The following GRIA3 variants were observed in gnomAD, a reference collection of about 807,000 sequenced individuals.
GRIA3 encodes the protein glutamate ionotropic receptor AMPA type subunit 3, also known as glutamate receptor 3.
Under a neutral mutation model 63.0 loss-of-function variants are expected in GRIA3, and 3 were observed. That is an observed-to-expected ratio of 0.05 (90% CI 0.02 to 0.12). GRIA3 has a LOEUF of 0.12. GRIA3 is among the 10% of genes least tolerant of loss of function. The pLI, the probability that GRIA3 is intolerant of heterozygous loss-of-function variation, is 1.00. For missense variants in GRIA3, 347 were observed against 700.9 expected, an observed-to-expected ratio of 0.50 and a Z score of 5.70; for synonymous variants, 274 against 257.9, an observed-to-expected ratio of 1.06 and a Z score of -0.60.
intron 12 of GRIA3, among the ~76,000 whole-genome samples, chrX:123,444,937 C>G (rs2045695224): frequency 9.0e-6 from 1 of 111,021 alleles, no homozygotes; most frequent in Non-Finnish European, 1.9e-5. Flanking sequence ...CTTTTGAATA[C>G]AGGCACCGGG....
chrX:123,203,740 A>G (rs1326262395), intron 2 of GRIA3, among the ~76,000 whole-genome samples: 1 of 112,212 alleles, frequency 8.9e-6, no homozygotes, highest in Non-Finnish European at 1.9e-5. Flanking sequence ...TCAGTGCGAT[A>G]GCAAGGTTGG....
chrX:123,261,143 G>A (rs1458014954), intron 3 of GRIA3, among the ~76,000 whole-genome samples: 1 of 111,248 alleles, frequency 9.0e-6, no homozygotes, highest in African/African-American at 3.3e-5. Context: ...GCTCGTTCCT[G>A]GGGTTGGACC....
chrX:123,204,360 A>C (rs780380519), intron 2 of GRIA3: 34 of 1,100,245 alleles, frequency 3.1e-5, no homozygotes, highest in Non-Finnish European at 3.8e-5. Flanking sequence ...TGGCTCATCC[A>C]TTCATAGTGC....
intron 3 of GRIA3, among the ~76,000 whole-genome samples, chrX:123,257,317 A>G (rs1375796599): frequency 9.0e-6 from 1 of 111,251 alleles, no homozygotes; most frequent in Non-Finnish European, 1.9e-5. Context: ...TTAGTGATTC[A>G]TCAACAATAA....
chrX:123,287,624 GACAA>G (rs1444270840), intron 3 of GRIA3, among the ~76,000 whole-genome samples: 4 of 111,432 alleles, frequency 3.6e-5, no homozygotes, highest in South Asian at 7.5e-4. Context: ...ACCAATAATA[GACAA>G]ACAGAGAGCC....
In GRIA3 at chrX:123,417,393, T is replaced by C; in HGVS notation, c.1501-9T>C. 8.4e-7 allele frequency: 1 copy of C among 1,197,049 alleles called. No homozygotes were observed. Among genetic ancestry groups the C allele is most frequent in the Non-Finnish European group, 1.1e-6 (1 of 882,977 alleles). ...TCATATATGTTTTCTTTTTTTTCTT[T>C]TTTTTCAGAGAGCTGATATAGCTGT... On this transcript the variant is annotated splice_polypyrimidine_tract_variant and intron_variant, in intron 10 of 15. Transcript: ENST00000620443.
chrX:123,457,817 G>C (rs1470794584), intron 12 of GRIA3, among the ~76,000 whole-genome samples: 2 of 111,468 alleles, frequency 1.8e-5, no homozygotes, highest in African/African-American at 6.5e-5. Flanking sequence ...GAGGAATTGT[G>C]CTCATGTCAA....
intron 5 of GRIA3, among the ~76,000 whole-genome samples, chrX:123,388,810 ATTGT>A (rs1414770030): frequency 9.0e-6 from 1 of 111,511 alleles, no homozygotes; most frequent in Non-Finnish European, 1.9e-5. Flanking sequence ...GCATCATTAG[ATTGT>A]TTATTTGACA....
At chrX:123,218,236 G>A (rs1198726370) in intron 2 of GRIA3, among the ~76,000 whole-genome samples, 1 of 111,397 alleles carries the variant, frequency 9.0e-6, no homozygotes, top group Non-Finnish European at 1.9e-5. Flanking sequence ...TGGCAGTTGA[G>A]GCTTTTTCTG....
chrX:123,220,599 A>C (rs765816510), intron 2 of GRIA3, among the ~76,000 whole-genome samples: 102 of 111,663 alleles, frequency 9.1e-4, no homozygotes, highest in Non-Finnish European at 1.7e-3. Context: ...ACCTTGCACT[A>C]ATATAAATGG....
At chrX:123,439,843 G>A (rs1452965464) in intron 12 of GRIA3, among the ~76,000 whole-genome samples, 1 of 110,190 alleles carries the variant, frequency 9.1e-6, no homozygotes, top group Non-Finnish European at 1.9e-5. Flanking sequence ...TTGTTATATA[G>A]GTAAATTTGT....
intron 3 of GRIA3, among the ~76,000 whole-genome samples, chrX:123,303,096 G>A (rs2044733539): frequency 9.0e-6 from 1 of 111,127 alleles, no homozygotes; most frequent in African/African-American, 3.3e-5. Context: ...TAATGTTAAT[G>A]CATTTAGATT....
intron 2 of GRIA3, among the ~76,000 whole-genome samples, chrX:123,186,407 A>G (rs1335184858): frequency 1.8e-5 from 2 of 111,905 alleles, no homozygotes; most frequent in African/African-American, 6.5e-5. Context: ...GAGTCAATTC[A>G]GGATGTACAT....
At chrX:123,433,058 G>C (rs1603152138) in intron 12 of GRIA3, among the ~76,000 whole-genome samples, 1 of 111,759 alleles carries the variant, frequency 8.9e-6, no homozygotes, top group African/African-American at 3.2e-5. Context: ...AAAACTTTCT[G>C]ATTTTATGTG....
At chrX:123,185,029 G>T (rs371261256) in intron 1 of GRIA3, 1 of 340,825 alleles carries the variant, frequency 2.9e-6, no homozygotes. Context: ...AGTTGTCCCA[G>T]GGTGATGCCG....
intron 4 of GRIA3, among the ~76,000 whole-genome samples, chrX:123,354,265 T>C (rs1800654): frequency 0.39 from 42,917 of 110,017 alleles, 6,427 homozygotes; most frequent in Middle Eastern, 0.56. Context: ...CCCTTCCCAG[T>C]TGTGACAATC....
chrX:123,331,342 T>G (rs964505427), intron 4 of GRIA3, among the ~76,000 whole-genome samples: 2 of 111,913 alleles, frequency 1.8e-5, no homozygotes, highest in Admixed American at 1.9e-4. Flanking sequence ...AATTTGGTAG[T>G]TTTAAGAAAT....
At chrX:123,251,091 T>C (rs2044386887) in intron 2 of GRIA3, among the ~76,000 whole-genome samples, 1 of 112,028 alleles carries the variant, frequency 8.9e-6, no homozygotes, top group African/African-American at 3.2e-5. Flanking sequence ...ATAAAGCTGA[T>C]GAGAATATTA....
intron 10 of GRIA3, among the ~76,000 whole-genome samples, chrX:123,411,538 T>C (rs1401536161): frequency 2.7e-5 from 3 of 111,590 alleles, no homozygotes; most frequent in Non-Finnish European, 5.6e-5. Flanking sequence ...CCTACACATA[T>C]GAGTTTGTTG....
Sources: gnomAD v4.1 joint callset for allele counts (sites outside exome capture counted in the v4.1 genomes callset) on GRCh38, gnomAD v4.1.1 for gene constraint, MANE v1.5 for transcripts, NCBI Gene and HGNC (gene_info 2026-07-23, HGNC 2026-07-21) for gene names.